The following WDFY3 variants were observed in gnomAD, a reference collection of about 807,000 sequenced individuals.
WDFY3 encodes WD repeat and FYVE domain-containing protein 3.
In WDFY3, 66 loss-of-function variants were observed where a neutral mutation model predicts 409.6. The observed-to-expected ratio is 0.16, with a 90% CI of 0.13 to 0.20. WDFY3 has a LOEUF of 0.20. Among genes scored for constraint, WDFY3 ranks in the 10% least tolerant of loss-of-function variants. The probability of loss-of-function intolerance (pLI) is 1.00; values close to 1 mark genes in which losing one functional copy is unlikely to be tolerated. For synonymous variants in WDFY3, 1,521 were observed against 1,537.1 expected (o/e 0.99, Z 0.25); for missense variants, 3,031 against 4,298.1 (o/e 0.71, Z 8.24).
At chr4:84,875,124 C>T (rs1762598106) in intron 3 of WDFY3, among the ~76,000 whole-genome samples, 1 of 151,830 alleles carries the variant, frequency 6.6e-6, no homozygotes, top group Admixed American at 6.6e-5. Flanking sequence ...AAAAATTAGC[C>T]AGGCATGGTG....
Position 84,740,388 on chromosome 4 carries a change from A to G in WDFY3, c.6263T>C (p.Leu2088Pro). The change falls in exon 39 of 68, where the codon CTG becomes CCG. Residue 2088 changes from leucine to proline, a missense_variant. Transcript: ENST00000295888. ...ATTGAGGCAATGATACACTGCATCCAGTGACAATCCCTGTGATCTTCTCTT... is the reference window on the plus strand; with the variant it reads ...ATTGAGGCAATGATACACTGCATCCGGTGACAATCCCTGTGATCTTCTCTT... ...QSKRRSQGLS[L>P]DAVYHCLNRT... The G allele has an allele frequency of 6.2e-7, 1 of 1,614,206 alleles. No individual in the cohort carries two copies. The highest frequency in any genetic ancestry group is 8.5e-7 in the Non-Finnish European group (1 of 1,180,024).
intron 54 of WDFY3, among the ~76,000 whole-genome samples, chr4:84,704,954 A>G (rs555374789): frequency 6.6e-6 from 1 of 152,324 alleles, no homozygotes; most frequent in East Asian, 1.9e-4. Context: ...GAGAAACACC[A>G]TAAACATTAA....
In WDFY3 at chr4:84,910,020, G is replaced by A. The variant is rs187831369; in HGVS notation, c.-131-13010C>T. Among the ~76,000 whole-genome samples, 3 of 152,306 alleles carry A rather than the reference G, an allele frequency of 2.0e-5. No homozygotes were observed. The East Asian group carries it at 5.8e-4, about 29-fold the overall frequency. The stretch of plus-strand genomic sequence containing the variant: ...GATACACAGTCAGCCCTCTGCATCT[G>A]TGGGTTCCACACTGTGGATTCAGCC... On this transcript the variant is annotated intron_variant, in intron 2 of 67. Transcript: ENST00000295888.
chr4:84,920,313 C>A (rs1434775034), intron 2 of WDFY3, among the ~76,000 whole-genome samples: 1 of 152,050 alleles, frequency 6.6e-6, no homozygotes, highest in African/African-American at 2.4e-5. Flanking sequence ...AATGTTAAGT[C>A]TACTTAAGTT....
At chr4:84,906,009 A>G (rs1021169545) in intron 2 of WDFY3, among the ~76,000 whole-genome samples, 1 of 152,118 alleles carries the variant, frequency 6.6e-6, no homozygotes, top group African/African-American at 2.4e-5. Context: ...TGCGCTTAAC[A>G]TCATTGGAAA....
intron 15 of WDFY3, among the ~76,000 whole-genome samples, chr4:84,807,789 T>A (rs1204513477): frequency 6.6e-6 from 1 of 151,892 alleles, no homozygotes; most frequent in Non-Finnish European, 1.5e-5. Context: ...TTGGGGTGGG[T>A]TTTTTACTAA....
At chr4:84,802,162 GGTCT>G (rs1750699028) in intron 16 of WDFY3, among the ~76,000 whole-genome samples, 1 of 151,780 alleles carries the variant, frequency 6.6e-6, no homozygotes, top group South Asian at 2.1e-4. Flanking sequence ...TGGCTAGGCT[GGTCT>G]CAAACTCCTG....
At chr4:84,724,226 T>G (rs1002599822) in intron 46 of WDFY3, among the ~76,000 whole-genome samples, 200 bp downstream of exon 46, 1 of 152,210 alleles carries the variant, frequency 6.6e-6, no homozygotes, top group Non-Finnish European at 1.5e-5. Context: ...CACGTGATAT[T>G]CATTTGTAGG....
chr4:84,930,795 G>A (rs1485928580), intron 2 of WDFY3, among the ~76,000 whole-genome samples: 1 of 152,084 alleles, frequency 6.6e-6, no homozygotes, highest in East Asian at 1.9e-4. Context: ...AGGATCAGAA[G>A]TTTTATCCTT....
At chr4:84,806,917 A>AT (rs1376385534) in intron 15 of WDFY3, among the ~76,000 whole-genome samples, 1 of 151,980 alleles carries the variant, frequency 6.6e-6, no homozygotes, top group Admixed American at 6.6e-5. Flanking sequence ...GCCCTGATGT[A>AT]TTTTTTTAAG....
At chr4:84,797,974 A>G (rs1254759791) in intron 18 of WDFY3, 22 bp downstream of exon 18, 2 of 1,563,814 alleles carry the variant, frequency 1.3e-6, no homozygotes, top group Non-Finnish European at 1.7e-6. Context: ...AATAAATCAA[A>G]AAAGGGAATT....
In WDFY3 at chr4:84,735,094, G is replaced by A. The variant is rs1397085908; in HGVS notation, c.6942C>T (p.His2314=). The A allele has an allele frequency of 1.9e-6, 3 of 1,613,200 alleles. No individual in the cohort carries two copies. The highest frequency in any genetic ancestry group is 1.7e-6 in the Non-Finnish European group (2 of 1,179,836). ...CTACTAAGTCACGAACAACAGCAAT[G>A]TGAGTAAACATCCACTGCGAAATCT... is the stretch of plus-strand genomic sequence containing the variant. ...TQEISQWMFT[H]IAVVRDLVDT... Residue 2314 remains histidine, a synonymous_variant, in exon 43 of 68, where the codon CAC becomes CAT. Transcript: ENST00000295888.
chr4:84,680,041 C>T (rs918803757), intron 64 of WDFY3, among the ~76,000 whole-genome samples: 1 of 151,952 alleles, frequency 6.6e-6, no homozygotes, highest in Non-Finnish European at 1.5e-5. Flanking sequence ...CAGGCACCCA[C>T]CACCACACCT....
intron 58 of WDFY3, among the ~76,000 whole-genome samples, chr4:84,694,790 A>G (rs969662370): frequency 1.3e-5 from 2 of 152,106 alleles, no homozygotes; most frequent in Non-Finnish European, 2.9e-5. Context: ...AATAAAAATA[A>G]AAGTAAACAT....
intron 64 of WDFY3, among the ~76,000 whole-genome samples, chr4:84,680,243 G>C (rs1727127968): frequency 6.6e-6 from 1 of 151,860 alleles, no homozygotes; most frequent in Admixed American, 6.6e-5. Context: ...TGCATATAGT[G>C]GTTAATGACT....
intron 1 of WDFY3, among the ~76,000 whole-genome samples, chr4:84,961,052 T>C (rs1774852793): frequency 1.3e-5 from 2 of 151,922 alleles, no homozygotes; most frequent in Middle Eastern, 3.4e-3. Context: ...CTGTCTCTAC[T>C]AAAAATGCAA....
intron 2 of WDFY3, among the ~76,000 whole-genome samples, chr4:84,930,524 G>A (rs981488370): frequency 7.9e-5 from 12 of 152,116 alleles, no homozygotes; most frequent in Admixed American, 1.3e-4. Context: ...TGGCGATGCC[G>A]GATCTGAATA....
rs1756661596 is a variant in WDFY3 at position 84,836,968 on chromosome 4, T to C, written c.537A>G (p.Leu179=). 1 of 1,590,866 alleles carries C rather than the reference T, an allele frequency of 6.3e-7. No individual in the cohort carries two copies. The highest frequency in any genetic ancestry group is 1.2e-5 in the South Asian group (1 of 85,738). ...TCTGGAGTAGTCCTCGACGTTCTGCTAGAGGTAGCTCATTCTGTGCACCTC... is the reference window on the plus strand; with the variant it reads ...TCTGGAGTAGTCCTCGACGTTCTGCCAGAGGTAGCTCATTCTGTGCACCTC... ...AVGGAQNELP[L]AERRGLLQKV... The change falls in exon 7 of 68, where the codon CTA becomes CTG. Residue 179 remains leucine (L), a synonymous_variant. Coordinates refer to ENST00000295888, the MANE Select transcript of WDFY3 (RefSeq NM_014991.6).
intron 13 of WDFY3, among the ~76,000 whole-genome samples, chr4:84,816,374 T>C (rs1332489647): frequency 4.6e-5 from 7 of 152,184 alleles, no homozygotes. Context: ...GGTTCAGATC[T>C]AGACTCCTCT....
Sources: gnomAD v4.1 joint callset for allele counts (sites outside exome capture counted in the v4.1 genomes callset) on GRCh38, gnomAD v4.1.1 for gene constraint, MANE v1.5 for transcripts, NCBI Gene and HGNC (gene_info 2026-07-23, HGNC 2026-07-21) for gene names.